SRP72: variants seen among roughly 807,000 people sequenced by gnomAD.
The protein encoded by SRP72 is signal recognition particle 72.
Under a neutral mutation model 96.3 loss-of-function variants are expected in SRP72, and 49 were observed. That is an observed-to-expected ratio of 0.51 (90% CI 0.40 to 0.65). The LOEUF (loss-of-function observed/expected upper bound fraction) is 0.65, where lower values mean the gene tolerates loss of function less well. Among genes scored for constraint, SRP72 ranks in the 30% least tolerant of loss-of-function variants. The pLI is 0.00. For synonymous variants in SRP72, 267 were observed against 275.2 expected (o/e 0.97, Z 0.30); for missense variants, 736 against 793.3 (o/e 0.93, Z 0.87).
At position 56,467,666 on chromosome 4, in the gene SRP72, G is replaced by A. The variant is rs934737072; in HGVS notation, c.31G>A (p.Val11Ile). 2 of 1,563,706 alleles carry A rather than the reference G, an allele frequency of 1.3e-6. No homozygotes were observed. Among genetic ancestry groups the A allele is most frequent in the Non-Finnish European group, 1.7e-6 (2 of 1,157,066 alleles). Residue 11 changes from valine to isoleucine, a missense_variant, in exon 1 of 19, where the codon GTA becomes ATA. Val to Ile is a conservative substitution (Grantham distance 29). This residue lies in a region of SRP72 where 329 missense variants were observed against 319.0 expected (regional missense o/e 1.03). Transcript: ENST00000642900. Reference protein sequence around the residue: MASGGSGGVSVPALWSEVNRY... With the variant: MASGGSGGVSIPALWSEVNRY... ...GAGCGGCGGCAGCGGGGGGGTGTCA[G>A]TACCTGCGCTGTGGAGTGAAGTGAA...
intron 5 of SRP72, 65 bp from the exon 6 acceptor site, chr4:56,476,606 T>C: frequency 1.3e-6 from 2 of 1,542,300 alleles, no homozygotes; most frequent in Non-Finnish European, 1.8e-6. Context: ...TCTTGCTCTT[T>C]GGAATAGTGA....
chr4:56,478,435 T>G lies in SRP72; in HGVS notation c.699T>G (p.Ala233=), dbSNP rs1720335453. 1 of 1,613,632 alleles carries G rather than the reference T, an allele frequency of 6.2e-7. No individual in the cohort carries two copies. Among genetic ancestry groups the G allele is most frequent in the East Asian group, 2.2e-5 (1 of 44,870 alleles). Residue 233 remains alanine (A), a synonymous_variant, in exon 7 of 19, where the codon GCT becomes GCG. Coordinates refer to ENST00000642900, the MANE Select transcript of SRP72 (RefSeq NM_006947.4). ...AELAIIHGQM[A]YILQLQGRTE... is the part of the protein sequence containing the mutation. ...TGGCCATCATTCATGGTCAGATGGCTTATATTCTGCAGCTTCAGGGTCGAA... is the reference window on the plus strand; with the variant it reads ...TGGCCATCATTCATGGTCAGATGGCGTATATTCTGCAGCTTCAGGGTCGAA...
At chr4:56,481,240 C>A (rs911197659) in intron 8 of SRP72, among the ~76,000 whole-genome samples, 1 of 152,020 alleles carries the variant, frequency 6.6e-6, no homozygotes, top group Non-Finnish European at 1.5e-5. Context: ...AGATTTTTTT[C>A]GCTTCCTTTT....
In SRP72 at chr4:56,501,917, A is replaced by G; in HGVS notation, c.*56A>G. On this transcript the variant is annotated 3_prime_UTR_variant, in exon 19 of 19. Coordinates refer to ENST00000642900, the MANE Select transcript of SRP72 (RefSeq NM_006947.4). The stretch of plus-strand genomic sequence containing the variant: ...AACTAGTGTCAGTGACACTAGGAAT[A>G]TAATAAAGGTAACACAGCAAGAAGC... The G allele has an allele frequency of 6.4e-7, 1 of 1,560,620 alleles. No individual in the cohort carries two copies. Among genetic ancestry groups the G allele is most frequent in the Non-Finnish European group, 8.8e-7 (1 of 1,133,212 alleles).
rs915336125 is a variant in SRP72 at position 56,503,213 on chromosome 4, G to A, written c.*1352G>A. The A allele has an allele frequency of 2.0e-5, 3 of 152,126 alleles. No individual in the cohort carries two copies. Among genetic ancestry groups the A allele is most frequent in the South Asian group, 2.1e-4 (1 of 4,830 alleles). The allele number at this position is 152,126 out of a possible 1,614,324, so 9.4% of individuals were successfully genotyped here. A position where few individuals can be genotyped will look rare whatever the true frequency, so the allele number is the denominator to read the frequency against. ...CAGAATTTGCAGTGGCATCTAAAGA[G>A]ATCTTTTTTAAATAAAAATTATGTA... On this transcript the variant is annotated 3_prime_UTR_variant, in exon 19 of 19. Coordinates refer to ENST00000642900, the MANE Select transcript of SRP72 (RefSeq NM_006947.4).
intron 12 of SRP72, 82 bp from the exon 13 acceptor site, chr4:56,489,306 T>C (rs1720825729): frequency 1.5e-6 from 1 of 687,212 alleles, no homozygotes; most frequent in Middle Eastern, 3.4e-4. Flanking sequence ...TTATTTGCTA[T>C]TTCTTCAGCG....
At chr4:56,501,512 T>A (rs894291422) in intron 18 of SRP72, among the ~76,000 whole-genome samples, 172 bp from the exon 19 acceptor site, 18 of 152,090 alleles carry the variant, frequency 1.2e-4, no homozygotes, top group African/African-American at 4.1e-4. Context: ...ATAAAAACAG[T>A]GAAAATGTTA....
intron 10 of SRP72, among the ~76,000 whole-genome samples, chr4:56,485,379 C>G (rs1720665254): frequency 6.8e-6 from 1 of 148,096 alleles, no homozygotes; most frequent in African/African-American, 2.5e-5. Flanking sequence ...TGAAGAGACA[C>G]CGCCCCTTCT....
chr4:56,478,630 A>G lies in SRP72; in HGVS notation c.806A>G (p.Asn269Ser), dbSNP rs1278982078. The G allele has an allele frequency of 6.2e-7, 1 of 1,613,848 alleles. No individual in the cohort carries two copies. The highest frequency in any genetic ancestry group is 8.5e-7 in the Non-Finnish European group (1 of 1,179,944). The change falls in exon 8 of 19, where the codon AAC becomes AGC. Residue 269 changes from asparagine to serine, a missense_variant. Asn to Ser is a conservative substitution (Grantham distance 46). Around this residue, in one of 3 missense-constraint regions of SRP72, gnomAD observed 19 missense variants for 42.5 expected, o/e 0.45. Transcript: ENST00000642900. ...DVGLLAVIAN[N>S]IITINKDQNV... ...GGATTACTAGCTGTAATTGCAAATAACATCATTACCATTAACAAGGTATGG... is the reference window on the plus strand; with the variant it reads ...GGATTACTAGCTGTAATTGCAAATAGCATCATTACCATTAACAAGGTATGG...
rs892186843 is a variant in SRP72, at chr4:56,495,285, A to G, written c.1641-72A>G. 5.7e-6 allele frequency: 6 copies of G among 1,060,088 alleles called. No individual in the cohort carries two copies. In the African/African-American group the frequency reaches 8.0e-5, roughly 14 times the overall value. The allele number at this position is 1,060,088 out of a possible 1,614,324, so 65.7% of individuals were successfully genotyped here. On this transcript the variant is annotated intron_variant, in intron 16 of 18. Transcript: ENST00000642900. ...TATGATAAGTGCCCAACTAACTCTTATAGAGCACTTACTTAATGCTCTATA... is the reference window on the plus strand; with the variant it reads ...TATGATAAGTGCCCAACTAACTCTTGTAGAGCACTTACTTAATGCTCTATA...
chr4:56,497,216 A>AT (rs1182504304), intron 17 of SRP72, among the ~76,000 whole-genome samples: 5 of 148,140 alleles, frequency 3.4e-5, no homozygotes, highest in Admixed American at 6.8e-5. Flanking sequence ...ATTTTATTTT[A>AT]TTTATTTATT....
intron 15 of SRP72, 130 bp downstream of exon 15, chr4:56,490,775 C>T (rs1415281295): frequency 2.8e-6 from 2 of 724,018 alleles, no homozygotes; most frequent in South Asian, 2.4e-5. Context: ...ACTAGTAAAA[C>T]CAAAAAATGA....
chr4:56,491,224 A>G (rs1720894085), intron 15 of SRP72, among the ~76,000 whole-genome samples: 1 of 152,184 alleles, frequency 6.6e-6, no homozygotes. Context: ...ATGACTCCTC[A>G]TGTTCTCCTT....
chr4:56,483,660 C>G (rs1358571959), intron 9 of SRP72, among the ~76,000 whole-genome samples: 1 of 150,402 alleles, frequency 6.6e-6, no homozygotes, highest in Non-Finnish European at 1.5e-5. Context: ...CAGAGAGAGA[C>G]TGTCTCCAAA....
chr4:56,476,624 G>C (rs564867514), intron 5 of SRP72, 47 bp from the exon 6 acceptor site: 1 of 1,596,266 alleles, frequency 6.3e-7, no homozygotes, highest in Non-Finnish European at 8.6e-7. Flanking sequence ...TGAAAGAAAT[G>C]GGATTTACCC....
intron 11 of SRP72, among the ~76,000 whole-genome samples, chr4:56,486,648 A>AT (rs1720719876): frequency 6.6e-6 from 1 of 152,192 alleles, no homozygotes; most frequent in South Asian, 2.1e-4. Flanking sequence ...GAAGCAAAGG[A>AT]TTCCTCTCTT....
At position 56,486,307 on chromosome 4, in the gene SRP72, C is replaced by A. The variant is rs568197952; in HGVS notation, c.1087-18C>A. The A allele has an allele frequency of 1.9e-6, 3 of 1,580,884 alleles. No individual in the cohort carries two copies. Among genetic ancestry groups the A allele is most frequent in the South Asian group, 2.3e-5 (2 of 85,196 alleles). On this transcript the variant is annotated intron_variant, in intron 10 of 18. Coordinates refer to ENST00000642900, the MANE Select transcript of SRP72 (RefSeq NM_006947.4). ...TAAATTAAATGTGATTTTTTTCCCC[C>A]AAACTAAAAAAATTTAGGAATTTTC...
In SRP72 at chr4:56,481,951, T is replaced by C. The variant is rs548474906; in HGVS notation, c.826-1188T>C. 1.6e-3 allele frequency among the ~76,000 whole-genome samples: 234 copies of C among 150,586 alleles called. 2 individuals carry two copies. The highest frequency in any genetic ancestry group is 5.5e-3 in the African/African-American group (228 of 41,198). ...CTAATTTTTGTATTTTTAGTAGAGATGGGGGTTTCACCATGTTGGCCAGGC... is the reference window on the plus strand; with the variant it reads ...CTAATTTTTGTATTTTTAGTAGAGACGGGGGTTTCACCATGTTGGCCAGGC... On this transcript the variant is annotated intron_variant, in intron 8 of 18. Transcript: ENST00000642900.
At chr4:56,491,852 T>C (rs1293338628) in intron 16 of SRP72, among the ~76,000 whole-genome samples, 1 of 152,102 alleles carries the variant, frequency 6.6e-6, no homozygotes, top group Non-Finnish European at 1.5e-5. Context: ...TATTTATTAC[T>C]ATTTTTTTTT....
Sources: gnomAD v4.1 joint callset for allele counts (sites outside exome capture counted in the v4.1 genomes callset) on GRCh38, gnomAD v4.1.1 for gene constraint, gnomAD v4.1.1 regional missense constraint, MANE v1.5 for transcripts, NCBI Gene and HGNC (gene_info 2026-07-23, HGNC 2026-07-21) for gene names.